OR6K3: variants seen among roughly 807,000 people sequenced by gnomAD.
OR6K3 encodes the protein olfactory receptor 6K3.
For synonymous variants in OR6K3, 169 were observed against 137.7 expected (o/e 1.23, Z -1.59); for missense variants, 396 against 382.5 (o/e 1.04, Z -0.29).
chr1:158,719,105 CCT>C (rs1383505078), intron 1 of OR6K3, among the ~76,000 whole-genome samples: 4 of 152,016 alleles, frequency 2.6e-5, no homozygotes, highest in African/African-American at 7.2e-5. Context: ...AGACTTTGTT[CCT>C]CTGTTTCCAC....
intron 1 of OR6K3, among the ~76,000 whole-genome samples, chr1:158,718,902 T>C (rs1226010848): frequency 6.6e-6 from 1 of 152,092 alleles, no homozygotes; most frequent in African/African-American, 2.4e-5. Context: ...GGACAGTGTT[T>C]AATAGGCAAC....
upstream of OR6K3, among the ~76,000 whole-genome samples, chr1:158,722,361 T>G (rs1172758019): frequency 6.6e-6 from 1 of 152,018 alleles, no homozygotes; most frequent in Non-Finnish European, 1.5e-5. Flanking sequence ...TTGTTTTGTT[T>G]TAGTAGCCTC....
chr1:158,721,329 C>A (rs1386550676), upstream of OR6K3, among the ~76,000 whole-genome samples: 3 of 151,964 alleles, frequency 2.0e-5, no homozygotes. Flanking sequence ...AGATCAATAT[C>A]TCATCTTTTC....
At chr1:158,718,496 A>G (rs1178500155) in intron 1 of OR6K3, among the ~76,000 whole-genome samples, 2 of 151,414 alleles carry the variant, frequency 1.3e-5, no homozygotes, top group Non-Finnish European at 2.9e-5. Flanking sequence ...AATTATTTTT[A>G]TTTTAGCTTA....
In OR6K3 at chr1:158,717,956, G is replaced by A. The variant is rs1656205043; in HGVS notation, c.160C>T (p.His54Tyr). Residue 54 changes from histidine to tyrosine, a missense_variant, in exon 2 of 2, where the codon CAT becomes TAT. Physicochemically the swap from His to Tyr is moderately conservative, Grantham distance 83 (BLOSUM62 2). Coordinates refer to ENST00000368145, the MANE Select transcript of OR6K3 (RefSeq NM_001005327.3). ...LIFSAVRLDT[H>Y]LHNPMYNFIS... is the part of the protein sequence containing the mutation. ...AAATTATACATGGGGTTGTGGAGAT[G>A]GGTGTCCAGCCTTACAGCAGAGAAG... is the stretch of plus-strand genomic sequence containing the variant. 6.2e-7 allele frequency: 1 copy of A among 1,613,402 alleles called. No homozygotes were observed. Among genetic ancestry groups the A allele is most frequent in the Non-Finnish European group, 8.5e-7 (1 of 1,179,554 alleles).
upstream of OR6K3, among the ~76,000 whole-genome samples, chr1:158,722,731 T>C (rs896172155): frequency 1.3e-5 from 2 of 152,052 alleles, no homozygotes; most frequent in African/African-American, 4.8e-5. Flanking sequence ...TGGGAACTCT[T>C]TTCCCCAGGA....
chr1:158,722,282 T>G (rs1021675743), upstream of OR6K3, among the ~76,000 whole-genome samples: 1 of 152,030 alleles, frequency 6.6e-6, no homozygotes, highest in African/African-American at 2.4e-5. Flanking sequence ...ACAGCAAATA[T>G]GGAAATATCT....
At chr1:158,718,217 TAAG>T (rs1338199678) in intron 1 of OR6K3, 85 bp from the exon 2 acceptor site, 8 of 724,200 alleles carry the variant, frequency 1.1e-5, no homozygotes, top group African/African-American at 1.8e-5. Flanking sequence ...CTTTGAGAAG[TAAG>T]AAGAACTACC....
upstream of OR6K3, chr1:158,724,485 C>A (rs1437294749): frequency 8.5e-6 from 2 of 235,224 alleles, no homozygotes; most frequent in Non-Finnish European, 1.9e-5. Context: ...GAATCATGGA[C>A]GTGTCTGTAC....
chr1:158,718,241 C>A, intron 1 of OR6K3, 109 bp from the exon 2 acceptor site: 1 of 648,572 alleles, frequency 1.5e-6, no homozygotes, highest in Non-Finnish European at 2.6e-6. Flanking sequence ...TTGAAGGTTT[C>A]ATTTTTTTTC....
intron 1 of OR6K3, among the ~76,000 whole-genome samples, chr1:158,719,942 G>A (rs1656250515): frequency 6.6e-6 from 1 of 151,916 alleles, no homozygotes; most frequent in Non-Finnish European, 1.5e-5. Flanking sequence ...ATTTTACAGA[G>A]GAGAAAACTT....
At chr1:158,722,860 A>G (rs1367912106), upstream of OR6K3, among the ~76,000 whole-genome samples, 1 of 152,018 alleles carries the variant, frequency 6.6e-6, no homozygotes, top group Non-Finnish European at 1.5e-5. Context: ...TGCTTTTGAT[A>G]TAAACAGAAA....
chr1:158,724,459 A>G (rs1340523602), upstream of OR6K3: 49 of 233,914 alleles, frequency 2.1e-4, no homozygotes, highest in Non-Finnish European at 9.8e-6. Flanking sequence ...CACAGCATGG[A>G]TCACATCCTC....
At chr1:158,723,471 T>C (rs900267548), upstream of OR6K3, among the ~76,000 whole-genome samples, 7 of 152,032 alleles carry the variant, frequency 4.6e-5, no homozygotes, top group Non-Finnish European at 5.9e-5. Flanking sequence ...TAAAGCATTC[T>C]CTAAAACATC....
chr1:158,717,080 T>C lies in OR6K3; in HGVS notation c.*88A>G. ...TTGCAGTGAGCCAAGATCATGCCAT[T>C]GCACTCCAGCCCAGGCAACAAGAGT... On this transcript the variant is annotated 3_prime_UTR_variant, in exon 2 of 2. Transcript: ENST00000368145. 1 of 908,236 alleles carries C rather than the reference T, an allele frequency of 1.1e-6. No individual in the cohort carries two copies. The highest frequency in any genetic ancestry group is 1.7e-6 in the Non-Finnish European group (1 of 573,306). The allele number at this position is 908,236 out of a possible 1,614,324, so 56.3% of individuals were successfully genotyped here. A position where few individuals can be genotyped will look rare whatever the true frequency, so the allele number is the denominator to read the frequency against.
rs760987507 is a variant in OR6K3, at chr1:158,717,700, CG to C, written c.415del (p.Arg139GlyfsTer23). The C allele has an allele frequency of 6.2e-7, 1 of 1,613,624 alleles. No individual in the cohort carries two copies. Among genetic ancestry groups the C allele is most frequent in the Non-Finnish European group, 8.5e-7 (1 of 1,179,808 alleles). On this transcript the variant is annotated frameshift_variant, in exon 2 of 2. Coordinates refer to ENST00000368145, the MANE Select transcript of OR6K3 (RefSeq NM_001005327.3). LOFTEE classifies it low-confidence loss of function (END_TRUNC). ...ACCTGCAGAGAGTTGAGCACAGAGC[CG>C]GGGGGTCATGATCATTTGATAGCGA... ...PLRYQMIMTP[R>X]LCAQLSAGSC...
chr1:158,721,401 AT>A (rs984457669), upstream of OR6K3, among the ~76,000 whole-genome samples: 1 of 151,772 alleles, frequency 6.6e-6, no homozygotes, highest in African/African-American at 2.4e-5. Context: ...CAAAGTTCTC[AT>A]TTTTTTCAAA....
chr1:158,724,309 T>C (rs149602500), upstream of OR6K3: 3 of 161,018 alleles, frequency 1.9e-5, no homozygotes, highest in Admixed American at 6.4e-5. Context: ...TACACTGCCA[T>C]AGAACATCAG....
chr1:158,718,428 T>C (rs996838184), intron 1 of OR6K3, among the ~76,000 whole-genome samples: 4 of 151,316 alleles, frequency 2.6e-5, no homozygotes, highest in Non-Finnish European at 5.9e-5. Context: ...TCTTATTTAT[T>C]GGCACAACTG....
Sources: allele counts gnomAD v4.1 joint callset (sites outside exome capture counted in the v4.1 genomes callset), GRCh38; gene constraint gnomAD v4.1.1; transcripts MANE v1.5; gene names NCBI Gene and HGNC (gene_info 2026-07-23, HGNC 2026-07-21).